Variants in PDZD2 observed in about 807,000 individuals in gnomAD.
The protein encoded by PDZD2 is PDZ domain containing 2, also known as PDZ domain-containing protein 2.
In PDZD2, 90 loss-of-function variants were observed where a neutral mutation model predicts 220.7. The ratio of observed to expected loss-of-function variants is 0.41; its 90% CI spans 0.34 to 0.49. PDZD2 has a LOEUF of 0.49. Ranked by LOEUF, PDZD2 falls within the 20% of genes least tolerant of loss-of-function variation. The pLI, the probability that PDZD2 is intolerant of heterozygous loss-of-function variation, is 0.28. For synonymous variants in PDZD2, 1,375 were observed against 1,450.5 expected, an observed-to-expected ratio of 0.95 and a Z score of 1.18; for missense variants, 3,174 against 3,608.5, an observed-to-expected ratio of 0.88 and a Z score of 3.08.
chr5:31,944,471 A>G lies in PDZD2; in HGVS notation c.477-38684A>G, dbSNP rs141009960. ...CAGGCTGTAGCCTACAGCAATTCAGATAAGAACCTCTGTTTTCCAAACTCA... is the reference window on the plus strand; with the variant it reads ...CAGGCTGTAGCCTACAGCAATTCAGGTAAGAACCTCTGTTTTCCAAACTCA... On this transcript the variant is annotated intron_variant, in intron 2 of 24. Transcript: ENST00000438447. Among the ~76,000 whole-genome samples, 263 of 152,368 alleles carry G rather than the reference A, an allele frequency of 1.7e-3. 2 individuals are homozygous for G. The highest frequency in any genetic ancestry group is 6.0e-3 in the African/African-American group (251 of 41,594).
At chr5:31,679,045 C>T (rs572281626) in intron 1 of PDZD2, among the ~76,000 whole-genome samples, 43 of 152,256 alleles carry the variant, frequency 2.8e-4, no homozygotes, top group African/African-American at 1.0e-3. Context: ...TTTTCCCTGC[C>T]GGACTATTTG....
intron 2 of PDZD2, among the ~76,000 whole-genome samples, chr5:31,951,509 CA>C (rs1747182108): frequency 1.3e-5 from 2 of 152,200 alleles, no homozygotes. Flanking sequence ...GAGACACAAA[CA>C]TTGAGTCCAC....
intron 1 of PDZD2, among the ~76,000 whole-genome samples, chr5:31,650,411 T>C (rs981054948): frequency 5.9e-5 from 9 of 152,302 alleles, no homozygotes; most frequent in South Asian, 2.1e-4. Flanking sequence ...ACAGAATCTC[T>C]GAGAAGCAGG....
At chr5:31,876,955 T>A (rs998874194) in intron 2 of PDZD2, among the ~76,000 whole-genome samples, 1 of 152,172 alleles carries the variant, frequency 6.6e-6, no homozygotes, top group Non-Finnish European at 1.5e-5. Context: ...ATTTTCACAT[T>A]TGCATGCCTT....
chr5:32,065,168 G>T (rs1299543819), intron 14 of PDZD2, among the ~76,000 whole-genome samples: 1 of 151,936 alleles, frequency 6.6e-6, no homozygotes, highest in Non-Finnish European at 1.5e-5. Context: ...GTGTAGTGGT[G>T]CATACCTGTA....
At chr5:31,911,399 C>T (rs1054094763) in intron 2 of PDZD2, among the ~76,000 whole-genome samples, 1 of 152,228 alleles carries the variant, frequency 6.6e-6, no homozygotes, top group Admixed American at 6.5e-5. Flanking sequence ...CTTTGTGGAG[C>T]CATCGCTAAA....
rs755569817 is a variant in PDZD2, at chr5:31,967,810, CT to C, written c.477-15344del. Among the ~76,000 whole-genome samples, 33 of 152,230 alleles carry C rather than the reference CT, an allele frequency of 2.2e-4. 1 individual carries two copies. The East Asian group carries it at 4.4e-3, about 20-fold the overall frequency. ...GAAGGACAAGTCATAGCAAAGCCCCCTGTGATAGGAAATACATGTTTTTGGC... is the reference window on the plus strand; with the variant it reads ...GAAGGACAAGTCATAGCAAAGCCCCCGTGATAGGAAATACATGTTTTTGGC... On this transcript the variant is annotated intron_variant, in intron 2 of 24. Coordinates refer to ENST00000438447, the MANE Select transcript of PDZD2 (RefSeq NM_178140.4).
chr5:31,760,909 C>T (rs962697833), intron 1 of PDZD2, among the ~76,000 whole-genome samples: 13 of 151,954 alleles, frequency 8.6e-5, no homozygotes, highest in African/African-American at 2.4e-4. Flanking sequence ...GCGATGAGAG[C>T]GAGACCCTGT....
intron 1 of PDZD2, among the ~76,000 whole-genome samples, chr5:31,644,917 C>A (rs907862210): frequency 6.6e-6 from 1 of 152,102 alleles, no homozygotes; most frequent in Non-Finnish European, 1.5e-5. Context: ...AGGTAGGAGG[C>A]CTGAAGAGGT....
intron 2 of PDZD2, among the ~76,000 whole-genome samples, chr5:31,936,566 TAA>T (rs11378684): frequency 4.1e-5 from 6 of 145,034 alleles, no homozygotes; most frequent in African/African-American, 5.1e-5. Flanking sequence ...AGAGTTGCTT[TAA>T]AAAAAAAAAA....
intron 2 of PDZD2, 42 bp downstream of exon 2, chr5:31,799,766 G>A (rs766099118): frequency 5.3e-6 from 7 of 1,311,988 alleles, no homozygotes; most frequent in Non-Finnish European, 7.7e-6. Context: ...GCTGGACACG[G>A]GAACCTGGTG....
chr5:32,006,976 C>T (rs1281930010), intron 5 of PDZD2, among the ~76,000 whole-genome samples: 3 of 120,734 alleles, frequency 2.5e-5, no homozygotes, highest in African/African-American at 5.9e-5. Context: ...AGTGCAGTGG[C>T]GCCATCTCAG....
At chr5:31,772,298 C>T (rs1359665355) in intron 1 of PDZD2, among the ~76,000 whole-genome samples, 1 of 152,056 alleles carries the variant, frequency 6.6e-6, no homozygotes, top group African/African-American at 2.4e-5. Context: ...CCAAACTGCT[C>T]ACCCCGCCAC....
chr5:32,080,816 G>A (rs1741870059), intron 19 of PDZD2, among the ~76,000 whole-genome samples: 1 of 152,034 alleles, frequency 6.6e-6, no homozygotes, highest in Admixed American at 6.6e-5. Flanking sequence ...AACTAACACA[G>A]AAACAGAAAA....
At chr5:32,101,585 C>T (rs1744263951) in intron 24 of PDZD2, among the ~76,000 whole-genome samples, 1 of 152,182 alleles carries the variant, frequency 6.6e-6, no homozygotes, top group African/African-American at 2.4e-5. Flanking sequence ...CCGGGCCCCT[C>T]TCTCTGATGT....
intron 1 of PDZD2, among the ~76,000 whole-genome samples, chr5:31,645,082 T>C (rs182021403): frequency 1.3e-5 from 2 of 152,126 alleles, no homozygotes; most frequent in African/African-American, 2.4e-5. Flanking sequence ...TGCCTAGATA[T>C]CCACAGGAGG....
intron 2 of PDZD2, among the ~76,000 whole-genome samples, chr5:31,883,501 A>G (rs1295615640): frequency 6.6e-6 from 1 of 152,026 alleles, no homozygotes; most frequent in Non-Finnish European, 1.5e-5. Context: ...GACTACAGGC[A>G]TGAGCCACCG....
At chr5:31,986,303 A>C (rs1750715540) in intron 3 of PDZD2, among the ~76,000 whole-genome samples, 1 of 152,124 alleles carries the variant, frequency 6.6e-6, no homozygotes. Flanking sequence ...CATTCTTTGT[A>C]ACTGTTTATA....
chr5:31,792,946 C>A (rs1377467583), intron 1 of PDZD2, among the ~76,000 whole-genome samples: 1 of 152,092 alleles, frequency 6.6e-6, no homozygotes, highest in Admixed American at 6.5e-5. Flanking sequence ...TCAAGCAATT[C>A]TCCTGCCTCA....
Sources: gnomAD v4.1 joint callset for allele counts (sites outside exome capture counted in the v4.1 genomes callset) on GRCh38, gnomAD v4.1.1 for gene constraint, MANE v1.5 for transcripts, NCBI Gene and HGNC (gene_info 2026-07-23, HGNC 2026-07-21) for gene names.